Variants in SPATA16 observed in about 807,000 individuals in gnomAD.
The protein encoded by SPATA16 is spermatogenesis associated 16.
A neutral mutation model predicts 63.3 loss-of-function variants in SPATA16; 36 were observed. That is an observed-to-expected ratio of 0.57 (90% CI 0.44 to 0.75). The LOEUF is 0.75. SPATA16 is among the 30% of genes least tolerant of loss of function. The probability of loss-of-function intolerance (pLI) is 0.00; values close to 1 mark genes in which losing one functional copy is unlikely to be tolerated. For missense variants in SPATA16, 646 were observed against 679.3 expected (o/e 0.95, Z 0.54); for synonymous variants, 203 against 216.7 (o/e 0.94, Z 0.56).
At chr3:172,972,577 T>A (rs1003028933) in intron 5 of SPATA16, among the ~76,000 whole-genome samples, 10 of 152,204 alleles carry the variant, frequency 6.6e-5, no homozygotes, top group African/African-American at 2.4e-4. Context: ...ATTCCAGGAC[T>A]AGCTTTGTAA....
At chr3:172,979,764 T>C (rs982996853) in intron 4 of SPATA16, among the ~76,000 whole-genome samples, 3 of 152,222 alleles carry the variant, frequency 2.0e-5, no homozygotes, top group East Asian at 3.8e-4. Flanking sequence ...CAAATTGATA[T>C]TGAAACCATG....
At chr3:173,052,949 A>G (rs1736137233) in intron 2 of SPATA16, among the ~76,000 whole-genome samples, 1 of 147,494 alleles carries the variant, frequency 6.8e-6, no homozygotes, top group Non-Finnish European at 1.5e-5. Context: ...AAGAAACCCT[A>G]AAATATTTTT....
intron 4 of SPATA16, among the ~76,000 whole-genome samples, chr3:173,001,747 G>C (rs1337607127): frequency 6.6e-6 from 1 of 152,146 alleles, no homozygotes; most frequent in East Asian, 1.9e-4. Flanking sequence ...TTTGGGGGCA[G>C]TGGTTTGCTC....
At chr3:172,968,169 G>A (rs543892853) in intron 5 of SPATA16, among the ~76,000 whole-genome samples, 69 of 152,280 alleles carry the variant, frequency 4.5e-4, no homozygotes, top group African/African-American at 1.6e-3. Flanking sequence ...AATTATCAAC[G>A]TGCAGAGAAG....
At chr3:172,943,893 CAA>C (rs1199741603) in intron 6 of SPATA16, among the ~76,000 whole-genome samples, 1 of 151,964 alleles carries the variant, frequency 6.6e-6, no homozygotes, top group Non-Finnish European at 1.5e-5. Context: ...CCCAAATGAA[CAA>C]AGAGCACAAA....
chr3:173,064,151 C>CA (rs1484796098), intron 2 of SPATA16, among the ~76,000 whole-genome samples: 3 of 151,328 alleles, frequency 2.0e-5, no homozygotes, highest in African/African-American at 7.3e-5. Flanking sequence ...ACTAAAAATA[C>CA]AAAAAAATTA....
At chr3:173,080,359 T>C (rs968992945) in intron 2 of SPATA16, among the ~76,000 whole-genome samples, 2 of 152,176 alleles carry the variant, frequency 1.3e-5, no homozygotes, top group African/African-American at 4.8e-5. Flanking sequence ...ACAAGCAAAC[T>C]GCAGGGCTGA....
intron 5 of SPATA16, among the ~76,000 whole-genome samples, chr3:172,958,234 G>A (rs936051543): frequency 3.3e-5 from 5 of 152,214 alleles, no homozygotes; most frequent in African/African-American, 7.2e-5. Flanking sequence ...ATTGCTGGAC[G>A]TAGAGACCTG....
rs1169973217 is a variant in SPATA16 at position 173,048,950 on chromosome 3, T to C, written c.757A>G (p.Arg253Gly). The C allele has an allele frequency of 1.2e-5, 20 of 1,613,592 alleles. No homozygotes were observed. The highest frequency in any genetic ancestry group is 1.6e-5 in the Non-Finnish European group (19 of 1,179,658). Residue 253 changes from arginine to glycine, a missense_variant and splice_region_variant, in exon 3 of 11, where the codon AGG becomes GGG. Physicochemically the swap from Arg to Gly is moderately radical, Grantham distance 125. Coordinates refer to ENST00000351008, the MANE Select transcript of SPATA16 (RefSeq NM_031955.6). Reference protein sequence around the residue: ...KPDLALNHAHRSIVLNPAYFR... With the variant: ...KPDLALNHAHGSIVLNPAYFR... ...GCACTTATTAGTATATGATTTTACC[T>C]GTGTGCATGATTCAGGGCAAGATCT...
At chr3:173,023,655 C>T in intron 3 of SPATA16, among the ~76,000 whole-genome samples, 1 of 151,478 alleles carries the variant, frequency 6.6e-6, no homozygotes, top group South Asian at 2.1e-4. Context: ...TGGCATTTCT[C>T]TTCTTTATTC....
chr3:173,049,032 G>A lies in SPATA16; in HGVS notation c.675C>T (p.Ser225=), dbSNP rs508508. The change falls in exon 3 of 11, where the codon AGC becomes AGT. Residue 225 remains serine, a synonymous_variant. Coordinates refer to ENST00000351008, the MANE Select transcript of SPATA16 (RefSeq NM_031955.6). ...GCTTTGTCTCAATGAAACTTGCCAC[G>A]CTTGCTATATCTTCAGCAGGTGCAT... ...PFDAPAEDIA[S]VASFIETKLV... The A allele has an allele frequency of 0.15, 244,626 of 1,613,374 alleles. 19,351 individuals carry two copies. The highest frequency in any genetic ancestry group is 0.23 in the African/African-American group (16,958 of 74,940).
chr3:172,921,313 C>G (rs1472951778), intron 8 of SPATA16, among the ~76,000 whole-genome samples: 2 of 152,146 alleles, frequency 1.3e-5, no homozygotes, highest in Admixed American at 1.3e-4. Flanking sequence ...ACTGAAAAAT[C>G]TAAAATTCTT....
At position 172,999,395 on chromosome 3, in the gene SPATA16, A is replaced by ATTTCTTTCTTTCTTTCTTTC. The variant is rs144082601; in HGVS notation, c.848+20071_848+20090dup. On this transcript the variant is annotated intron_variant, in intron 4 of 10. Coordinates refer to ENST00000351008, the MANE Select transcript of SPATA16 (RefSeq NM_031955.6). The stretch of plus-strand genomic sequence containing the variant: ...GACCTGTAGTGATATCCCCTATTTC[A>ATTTCTTTCTTTCTTTCTTTC]TTTCTTTCTTTCTTTCTTTCTTTCT... 1.0e-3 allele frequency among the ~76,000 whole-genome samples: 150 copies of ATTTCTTTCTTTCTTTCTTTC among 150,686 alleles called. No homozygotes were observed. In the Middle Eastern group the frequency reaches 0.01, roughly 10 times the overall value.
intron 2 of SPATA16, among the ~76,000 whole-genome samples, chr3:173,068,193 A>G (rs1013064435): frequency 6.6e-6 from 1 of 152,246 alleles, no homozygotes; most frequent in Non-Finnish European, 1.5e-5. Flanking sequence ...AACAAACAGA[A>G]TACTCTAACA....
At chr3:172,890,252 T>C (rs1731865955) in intron 10 of SPATA16, among the ~76,000 whole-genome samples, 1 of 152,170 alleles carries the variant, frequency 6.6e-6, no homozygotes, top group African/African-American at 2.4e-5. Context: ...GGGAATAAGG[T>C]AAAATAATGT....
chr3:172,956,832 GA>G lies in SPATA16; in HGVS notation c.934-9del, dbSNP rs745618585. On this transcript the variant is annotated splice_polypyrimidine_tract_variant and intron_variant, in intron 5 of 10. Coordinates refer to ENST00000351008, the MANE Select transcript of SPATA16 (RefSeq NM_031955.6). ...GGCTTCCTCAATCATGGCCTAAGAG[GA>G]AACAAACAACCCATTTGGCATCAAT... 3.7e-6 allele frequency: 6 copies of G among 1,612,782 alleles called. No homozygotes were observed. In the South Asian group the frequency reaches 5.5e-5, roughly 15 times the overall value.
intron 4 of SPATA16, among the ~76,000 whole-genome samples, chr3:172,983,219 G>A (rs770447810): frequency 1.3e-5 from 2 of 152,056 alleles, no homozygotes; most frequent in Admixed American, 6.5e-5. Flanking sequence ...CAACTACACC[G>A]TATTCTCTGA....
At chr3:172,918,585 A>C (rs1242255892) in intron 8 of SPATA16, among the ~76,000 whole-genome samples, 1 of 152,140 alleles carries the variant, frequency 6.6e-6, no homozygotes, top group African/African-American at 2.4e-5. Flanking sequence ...AAAAGAAATA[A>C]AATTGATATC....
chr3:172,924,292 G>C lies in SPATA16; in HGVS notation c.1254C>G (p.Thr418=). 1 of 1,613,044 alleles carries C rather than the reference G, an allele frequency of 6.2e-7. No individual in the cohort carries two copies. The change falls in exon 8 of 11, where the codon ACC becomes ACG. Residue 418 remains threonine (T), a synonymous_variant. Coordinates refer to ENST00000351008, the MANE Select transcript of SPATA16 (RefSeq NM_031955.6). Reference sequence around the variant, plus strand: ...CCATTTGCCTCACTGTATCTTCTCTGGTCAGACCGAAAGGTGTTTTATGCT... The same window carrying C: ...CCATTTGCCTCACTGTATCTTCTCTCGTCAGACCGAAAGGTGTTTTATGCT... The part of the protein sequence containing the change: ...FTEHKTPFGL[T]REDTVRQMET...
Sources: gnomAD v4.1 joint callset for allele counts (sites outside exome capture counted in the v4.1 genomes callset) on GRCh38, gnomAD v4.1.1 for gene constraint, MANE v1.5 for transcripts, NCBI Gene and HGNC (gene_info 2026-07-23, HGNC 2026-07-21) for gene names.